MAGI1: variants seen among roughly 807,000 people sequenced by gnomAD.
The protein encoded by MAGI1 is membrane-associated guanylate kinase, WW and PDZ domain-containing protein 1.
Under a neutral mutation model 139.9 loss-of-function variants are expected in MAGI1, and 58 were observed. The ratio of observed to expected loss-of-function variants is 0.41; its 90% CI spans 0.34 to 0.52. The LOEUF (loss-of-function observed/expected upper bound fraction) is 0.52. Ranked by LOEUF, MAGI1 falls within the 20% of genes least tolerant of loss-of-function variation. The pLI is 0.12. For missense variants in MAGI1, 1,874 were observed against 1,901.6 expected (o/e 0.99, Z 0.27); for synonymous variants, 812 against 737.9 (o/e 1.10, Z -1.63).
intron 1 of MAGI1, among the ~76,000 whole-genome samples, chr3:65,671,623 G>C (rs1195743329): frequency 6.6e-6 from 1 of 152,176 alleles, no homozygotes; most frequent in Non-Finnish European, 1.5e-5. Flanking sequence ...AGAGTGTCAA[G>C]GGGTCCCATA....
At chr3:65,784,704 C>CAACAAA (rs541800114) in intron 1 of MAGI1, among the ~76,000 whole-genome samples, 151 of 68,220 alleles carry the variant, frequency 2.2e-3, no homozygotes, top group South Asian at 8.4e-3. Context: ...GACTCCGTCT[C>CAACAAA]AACAACAACA....
At chr3:65,748,695 C>A (rs773896072) in intron 1 of MAGI1, among the ~76,000 whole-genome samples, 2 of 152,142 alleles carry the variant, frequency 1.3e-5, no homozygotes, top group Non-Finnish European at 2.9e-5. Context: ...CACATTTATA[C>A]AGCTTGACAC....
At chr3:65,555,386 C>T (rs968932377) in intron 2 of MAGI1, among the ~76,000 whole-genome samples, 1 of 152,216 alleles carries the variant, frequency 6.6e-6, no homozygotes, top group African/African-American at 2.4e-5. Context: ...AATTCATCTG[C>T]TCTTGTCATA....
At chr3:65,735,972 A>C (rs2034689949) in intron 1 of MAGI1, among the ~76,000 whole-genome samples, 1 of 152,012 alleles carries the variant, frequency 6.6e-6, no homozygotes, top group South Asian at 2.1e-4. Flanking sequence ...TCAAAGTTCT[A>C]CTCCCAGTGA....
chr3:65,451,355 G>T (rs1219764113), intron 6 of MAGI1, among the ~76,000 whole-genome samples: 1 of 152,072 alleles, frequency 6.6e-6, no homozygotes. Context: ...AAAATCATAA[G>T]GCATCAAATA....
In MAGI1 at chr3:65,706,451, T is replaced by G. The variant is rs528603391; in HGVS notation, c.314-84363A>C. ...CCTCCATTCACTGACTTAACAAATGTGCGCCCAGCACCTCCTGGGTGCCAA... is the reference window on the plus strand; with the variant it reads ...CCTCCATTCACTGACTTAACAAATGGGCGCCCAGCACCTCCTGGGTGCCAA... On this transcript the variant is annotated intron_variant, in intron 1 of 22. Coordinates refer to ENST00000402939, the MANE Select transcript of MAGI1 (RefSeq NM_001033057.2). Among the ~76,000 whole-genome samples, 3 of 152,298 alleles carry G rather than the reference T, an allele frequency of 2.0e-5. No homozygotes were observed. In the South Asian group the frequency reaches 6.2e-4, roughly 32 times the overall value.
intron 8 of MAGI1, among the ~76,000 whole-genome samples, chr3:65,440,895 C>T (rs1454052620): frequency 6.7e-6 from 1 of 148,582 alleles, no homozygotes; most frequent in Admixed American, 6.7e-5. Flanking sequence ...ATATATGGTA[C>T]ATATGTGTGT....
chr3:65,858,332 T>C (rs1459546775), intron 1 of MAGI1, among the ~76,000 whole-genome samples: 2 of 152,146 alleles, frequency 1.3e-5, no homozygotes, highest in East Asian at 1.9e-4. Context: ...TTGTGATTTA[T>C]AAACATAATG....
At chr3:65,478,474 A>C in intron 4 of MAGI1, 118 bp downstream of exon 4, 1 of 944,170 alleles carries the variant, frequency 1.1e-6, no homozygotes. Flanking sequence ...CCAAGTTTGA[A>C]TTTTGGCGAC....
intron 1 of MAGI1, among the ~76,000 whole-genome samples, chr3:65,682,662 A>T (rs2087676066): frequency 6.6e-6 from 1 of 152,192 alleles, no homozygotes; most frequent in Non-Finnish European, 1.5e-5. Context: ...TTAAGAAAAA[A>T]ATCTTTAGGA....
chr3:65,434,385 G>T (rs77394639), intron 10 of MAGI1, among the ~76,000 whole-genome samples: 3,122 of 152,244 alleles, frequency 0.021, 64 homozygotes, highest in Non-Finnish European at 0.024. Context: ...GTGTGGTGGA[G>T]GGGTAGCTGC....
chr3:65,744,133 A>C (rs1278246452), intron 1 of MAGI1, among the ~76,000 whole-genome samples: 1 of 152,198 alleles, frequency 6.6e-6, no homozygotes, highest in Non-Finnish European at 1.5e-5. Context: ...AATAGAGAAA[A>C]ACAGTGAAAG....
chr3:65,423,381 C>CGG (rs550471131), intron 12 of MAGI1, among the ~76,000 whole-genome samples: 5,858 of 151,612 alleles, frequency 0.039, 125 homozygotes, highest in Non-Finnish European at 0.045. Flanking sequence ...CGTGCACACA[C>CGG]GCGCACACAC....
chr3:65,605,036 C>A (rs1037341132), intron 2 of MAGI1, among the ~76,000 whole-genome samples: 22 of 152,138 alleles, frequency 1.4e-4, no homozygotes, highest in Non-Finnish European at 3.1e-4. Flanking sequence ...TGAAAATATG[C>A]AACTTAAGAT....
chr3:65,525,952 A>T (rs1384103651), intron 2 of MAGI1, among the ~76,000 whole-genome samples: 1 of 152,204 alleles, frequency 6.6e-6, no homozygotes, highest in Admixed American at 6.5e-5. Flanking sequence ...TAACTTCACC[A>T]AGTCACAGGG....
At chr3:65,398,018 T>C (rs1199818621) in intron 13 of MAGI1, among the ~76,000 whole-genome samples, 1 of 152,112 alleles carries the variant, frequency 6.6e-6, no homozygotes, top group African/African-American at 2.4e-5. Flanking sequence ...AATTAATCTT[T>C]TTTTTTTTGC....
At chr3:65,904,178 C>T (rs140683795) in intron 1 of MAGI1, among the ~76,000 whole-genome samples, 17 of 152,292 alleles carry the variant, frequency 1.1e-4, no homozygotes, top group African/African-American at 4.1e-4. Flanking sequence ...AGTAATGAGA[C>T]ACCACTACCC....
At chr3:65,736,543 C>T (rs1277509157) in intron 1 of MAGI1, among the ~76,000 whole-genome samples, 1 of 152,096 alleles carries the variant, frequency 6.6e-6, no homozygotes, top group Non-Finnish European at 1.5e-5. Flanking sequence ...AACTCCCAAT[C>T]CAAGCCAGAA....
At chr3:65,485,881 GA>G (rs1344743749) in intron 3 of MAGI1, among the ~76,000 whole-genome samples, 1 of 152,138 alleles carries the variant, frequency 6.6e-6, no homozygotes, top group Non-Finnish European at 1.5e-5. Flanking sequence ...AATATTTGGG[GA>G]TCTCTAAGCA....
Sources: allele counts gnomAD v4.1 joint callset (sites outside exome capture counted in the v4.1 genomes callset), GRCh38; gene constraint gnomAD v4.1.1; transcripts MANE v1.5; gene names NCBI Gene and HGNC (gene_info 2026-07-23, HGNC 2026-07-21).